The following PPA2 variants were observed in gnomAD, a reference collection of about 807,000 sequenced individuals.
The protein encoded by PPA2 is inorganic pyrophosphatase 2.
Under a neutral mutation model 49.5 loss-of-function variants are expected in PPA2, and 48 were observed. The observed-to-expected ratio is 0.97, with a 90% confidence interval of 0.77 to 1.23. The LOEUF (loss-of-function observed/expected upper bound fraction) is 1.23. Ranked by LOEUF, PPA2 falls within the 50% of genes most tolerant of loss-of-function variation. PPA2 has a pLI of 0.00. For synonymous variants in PPA2, 131 were observed against 139.9 expected, an observed-to-expected ratio of 0.94 and a Z score of 0.45; for missense variants, 429 against 410.1, an observed-to-expected ratio of 1.05 and a Z score of -0.40.
intron 8 of PPA2, among the ~76,000 whole-genome samples, chr4:105,396,706 G>GT (rs1395773979): frequency 6.6e-6 from 1 of 152,190 alleles, no homozygotes; most frequent in African/African-American, 2.4e-5. Flanking sequence ...TTGAGCAGCT[G>GT]TGACAGAAAT....
intron 1 of PPA2, among the ~76,000 whole-genome samples, chr4:105,464,501 T>G (rs900435446): frequency 2.6e-5 from 4 of 152,088 alleles, no homozygotes; most frequent in Admixed American, 2.0e-4. Flanking sequence ...TGGGAAGGCA[T>G]GTTGGTTTTG....
intron 1 of PPA2, among the ~76,000 whole-genome samples, chr4:105,460,858 C>CATATATATATATATATATATAT (rs746079683): frequency 1.6e-4 from 23 of 144,934 alleles, no homozygotes; most frequent in African/African-American, 5.2e-4. Context: ...TGTAAGATCA[C>CATATATATATATATATATATAT]ATATATATAT....
chr4:105,386,683 C>A, intron 9 of PPA2, 47 bp from the exon 10 acceptor site: 2 of 1,546,360 alleles, frequency 1.3e-6, no homozygotes, highest in South Asian at 2.3e-5. Context: ...TAAAAAGAAA[C>A]AATTACCAAA....
chr4:105,391,303 A>T (rs1297376263), intron 9 of PPA2, among the ~76,000 whole-genome samples: 1 of 142,390 alleles, frequency 7.0e-6, no homozygotes, highest in Non-Finnish European at 1.5e-5. Context: ...CTATGTAACA[A>T]ACCTGCATGT....
At position 105,369,634 on chromosome 4, in the gene PPA2, G is replaced by A. The variant is rs987645233; in HGVS notation, c.*91C>T. On this transcript the variant is annotated 3_prime_UTR_variant, in exon 12 of 12. Coordinates refer to ENST00000341695, the MANE Select transcript of PPA2 (RefSeq NM_176869.3). ...GTTTGAAAAAATGAAGTTTTAACAG[G>A]AAGTCAGTAAATGCTCATAGACCCC... is the stretch of plus-strand genomic sequence containing the variant. The A allele has an allele frequency of 3.2e-5, 39 of 1,221,304 alleles. No individual in the cohort carries two copies. The highest frequency in any genetic ancestry group is 4.7e-5 in the Non-Finnish European group (39 of 836,988). 75.7% of individuals were successfully genotyped at this position (1,221,304 alleles called of 1,614,324 possible). A position where few individuals can be genotyped will look rare whatever the true frequency, so the allele number is the denominator to read the frequency against.
intron 3 of PPA2, among the ~76,000 whole-genome samples, chr4:105,451,966 A>T (rs1722697074): frequency 6.6e-6 from 1 of 152,234 alleles, no homozygotes; most frequent in African/African-American, 2.4e-5. Context: ...TCTGAAAATA[A>T]AAAAGATAAA....
chr4:105,442,235 G>A (rs1724404966), intron 5 of PPA2, among the ~76,000 whole-genome samples: 1 of 152,130 alleles, frequency 6.6e-6, no homozygotes, highest in South Asian at 2.1e-4. Flanking sequence ...AACATCAGTA[G>A]CAATCATCAT....
At chr4:105,435,509 T>C (rs1435918332) in intron 6 of PPA2, among the ~76,000 whole-genome samples, 3 of 152,148 alleles carry the variant, frequency 2.0e-5, no homozygotes, top group Non-Finnish European at 2.9e-5. Flanking sequence ...AAAAAACTAC[T>C]ACTAAACCTA....
At chr4:105,408,185 T>C (rs750976946) in intron 7 of PPA2, among the ~76,000 whole-genome samples, 1 of 152,170 alleles carries the variant, frequency 6.6e-6, no homozygotes, top group Non-Finnish European at 1.5e-5. Context: ...TGCCTTTGCC[T>C]TGCAGAGTCA....
chr4:105,400,329 C>T (rs1734312706), intron 7 of PPA2, among the ~76,000 whole-genome samples: 1 of 152,056 alleles, frequency 6.6e-6, no homozygotes, highest in South Asian at 2.1e-4. Flanking sequence ...TCTAGAAATG[C>T]AATTTAATCA....
intron 7 of PPA2, among the ~76,000 whole-genome samples, chr4:105,414,080 T>A (rs537694067): frequency 6.6e-6 from 1 of 151,844 alleles, no homozygotes. Flanking sequence ...AATAAGCCAA[T>A]AGAAATACAA....
rs1443204597 is a variant in PPA2, at chr4:105,447,106, CA to C, written c.322-605del. On this transcript the variant is annotated intron_variant, in intron 4 of 11. Transcript: ENST00000341695. ...ATATAGACAACTCTAGAGACTCCAT[CA>C]AAAAACATTGGAAATAATATATAAT... is the stretch of plus-strand genomic sequence containing the variant. 3.9e-5 allele frequency among the ~76,000 whole-genome samples: 6 copies of C among 152,092 alleles called. No homozygotes were observed. The East Asian group carries it at 1.2e-3, about 29-fold the overall frequency.
At chr4:105,375,009 A>G (rs1442413227) in intron 10 of PPA2, among the ~76,000 whole-genome samples, 1 of 151,842 alleles carries the variant, frequency 6.6e-6, no homozygotes, top group African/African-American at 2.4e-5. Flanking sequence ...GTCTTTCTGC[A>G]TTGTATTTCC....
At chr4:105,386,246 T>A (rs2110375441) in intron 10 of PPA2, among the ~76,000 whole-genome samples, 1 of 152,228 alleles carries the variant, frequency 6.6e-6, no homozygotes, top group Non-Finnish European at 1.5e-5. Flanking sequence ...GGACAGAGGA[T>A]AATTCATGGA....
Position 105,456,670 on chromosome 4 carries a change from C to CA in PPA2, c.222+10dup, listed in dbSNP as rs758446347. The CA allele has an allele frequency of 6.3e-7, 1 of 1,586,864 alleles. No individual in the cohort carries two copies. The highest frequency in any genetic ancestry group is 1.1e-5 in the South Asian group (1 of 88,374). On this transcript the variant is annotated intron_variant, in intron 2 of 11. Coordinates refer to ENST00000341695, the MANE Select transcript of PPA2 (RefSeq NM_176869.3). ...ACACGTTTTCATTCCCAAAACAAGT[C>CA]AAAACAATACCTCTTTAGAGTTCAC...
intron 6 of PPA2, among the ~76,000 whole-genome samples, chr4:105,424,538 T>G (rs1342077971): frequency 6.6e-6 from 1 of 152,204 alleles, no homozygotes; most frequent in Non-Finnish European, 1.5e-5. Context: ...TGAATTATTT[T>G]ACAGATAAAC....
At chr4:105,418,634 C>T (rs999901451) in intron 7 of PPA2, among the ~76,000 whole-genome samples, 2 of 152,250 alleles carry the variant, frequency 1.3e-5, no homozygotes, top group Non-Finnish European at 1.5e-5. Flanking sequence ...ATTCTGATTT[C>T]GATTGTTTTA....
At chr4:105,370,725 T>C (rs1732989381) in intron 11 of PPA2, 112 bp downstream of exon 11, 3 of 1,225,458 alleles carry the variant, frequency 2.4e-6, no homozygotes, top group Admixed American at 8.8e-5. Context: ...TCACTTAGCT[T>C]ATACAGCTTT....
At chr4:105,466,432 A>C (rs1162720391) in intron 1 of PPA2, among the ~76,000 whole-genome samples, 1 of 152,134 alleles carries the variant, frequency 6.6e-6, no homozygotes, top group African/African-American at 2.4e-5. Flanking sequence ...TATCATAAGC[A>C]CTATAAAGAT....
Sources: allele counts gnomAD v4.1 joint callset (sites outside exome capture counted in the v4.1 genomes callset), GRCh38; gene constraint gnomAD v4.1.1; transcripts MANE v1.5; gene names NCBI Gene and HGNC (gene_info 2026-07-23, HGNC 2026-07-21).